LRRC7: variants seen among roughly 807,000 people sequenced by gnomAD.
The protein encoded by LRRC7 is leucine rich repeat containing 7, also known as leucine-rich repeat-containing protein 7.
LRRC7 carries 23 observed loss-of-function variants against 175.7 expected under a neutral mutation model. The ratio of observed to expected loss-of-function variants is 0.13; its 90% CI spans 0.09 to 0.19. The LOEUF is 0.19. Among genes scored for constraint, LRRC7 ranks in the 10% least tolerant of loss-of-function variants. The pLI is 1.00. For missense variants in LRRC7, 1,354 were observed against 1,904.7 expected (o/e 0.71, Z 5.38); for synonymous variants, 685 against 680.9 (o/e 1.01, Z -0.09).
chr1:70,054,847 C>T (rs1661029378), intron 23 of LRRC7, among the ~76,000 whole-genome samples: 1 of 151,380 alleles, frequency 6.6e-6, no homozygotes, highest in African/African-American at 2.4e-5. Context: ...GCCTCAGCCT[C>T]CCAAAGTGCT....
chr1:69,752,171 A>G (rs1259489360), intron 2 of LRRC7, among the ~76,000 whole-genome samples: 1 of 152,148 alleles, frequency 6.6e-6, no homozygotes, highest in Non-Finnish European at 1.5e-5. Flanking sequence ...TCAGAGATGT[A>G]CTTGAGGGTA....
chr1:69,570,760 A>G (rs1007417766), intron 1 of LRRC7, among the ~76,000 whole-genome samples: 2 of 152,134 alleles, frequency 1.3e-5, no homozygotes, highest in Non-Finnish European at 1.5e-5. Flanking sequence ...GCACAGGGGG[A>G]AAAATGAGCA....
At chr1:69,651,395 T>C (rs541970729) in intron 1 of LRRC7, among the ~76,000 whole-genome samples, 2 of 152,256 alleles carry the variant, frequency 1.3e-5, no homozygotes, top group African/African-American at 4.8e-5. Context: ...CCTTTGCAAA[T>C]CCAATTATAT....
At chr1:69,876,003 C>T (rs1686012533) in intron 7 of LRRC7, among the ~76,000 whole-genome samples, 2 of 152,036 alleles carry the variant, frequency 1.3e-5, no homozygotes, top group South Asian at 2.1e-4. Context: ...CTCTCAGGAA[C>T]GTGGGGCATG....
At chr1:69,683,257 T>G (rs1224214109) in intron 2 of LRRC7, among the ~76,000 whole-genome samples, 2 of 152,168 alleles carry the variant, frequency 1.3e-5, no homozygotes, top group Non-Finnish European at 2.9e-5. Context: ...GCCTCTCAAC[T>G]TGACCTCCTA....
intron 11 of LRRC7, among the ~76,000 whole-genome samples, chr1:70,007,130 G>A (rs1656064053): frequency 6.6e-6 from 1 of 152,184 alleles, no homozygotes; most frequent in African/African-American, 2.4e-5. Context: ...GTCAGGGGGT[G>A]AGACCGAAAC....
intron 8 of LRRC7, among the ~76,000 whole-genome samples, chr1:69,937,563 G>T: frequency 6.6e-6 from 1 of 151,902 alleles, no homozygotes; most frequent in East Asian, 1.9e-4. Context: ...CTTGGAATTT[G>T]TAAAAATCTG....
chr1:70,070,597 C>T (rs914052099), intron 23 of LRRC7, among the ~76,000 whole-genome samples: 7 of 152,192 alleles, frequency 4.6e-5, no homozygotes, highest in Non-Finnish European at 1.0e-4. Context: ...TCTGACACCA[C>T]TCCAGTTGGG....
At chr1:69,882,941 A>G (rs1299829925) in intron 7 of LRRC7, among the ~76,000 whole-genome samples, 1 of 151,878 alleles carries the variant, frequency 6.6e-6, no homozygotes, top group Non-Finnish European at 1.5e-5. Flanking sequence ...AAGGACATGA[A>G]CTTATCATTT....
intron 7 of LRRC7, among the ~76,000 whole-genome samples, chr1:69,917,024 A>G (rs929393127): frequency 1.3e-5 from 2 of 152,204 alleles, no homozygotes; most frequent in African/African-American, 4.8e-5. Context: ...AACAGCAATA[A>G]TAAAAGCAAT....
intron 23 of LRRC7, among the ~76,000 whole-genome samples, chr1:70,057,920 CAA>C (rs1278059711): frequency 1.3e-5 from 2 of 151,212 alleles, no homozygotes; most frequent in Admixed American, 1.3e-4. Flanking sequence ...GGAAAAATGC[CAA>C]GAGTGTTAAA....
chr1:69,929,229 A>G (rs1196192141), intron 7 of LRRC7, among the ~76,000 whole-genome samples: 2 of 152,190 alleles, frequency 1.3e-5, no homozygotes, highest in Admixed American at 6.5e-5. Flanking sequence ...CTGGTAAGCC[A>G]TCTCTATGCT....
rs574808530 is a variant in LRRC7 at position 69,915,502 on chromosome 1, CAAAG to C, written c.648-15997_648-15994del. Among the ~76,000 whole-genome samples, 30 of 152,040 alleles carry C rather than the reference CAAAG, an allele frequency of 2.0e-4. No individual in the cohort carries two copies. The East Asian group carries it at 5.0e-3, about 25-fold the overall frequency. On this transcript the variant is annotated intron_variant, in intron 7 of 26. Transcript: ENST00000651989. ...AGTCTAAGAAATGTCCTGCAGGAAA[CAAAG>C]AAAGAAAAAGTTCCTTGGTTACATA... is the stretch of plus-strand genomic sequence containing the variant.
intron 7 of LRRC7, among the ~76,000 whole-genome samples, chr1:69,856,277 G>C (rs1478144511): frequency 6.6e-6 from 1 of 152,122 alleles, no homozygotes; most frequent in African/African-American, 2.4e-5. Flanking sequence ...CAGAACTGAA[G>C]GAGATAGAAA....
intron 1 of LRRC7, among the ~76,000 whole-genome samples, chr1:69,652,372 G>A (rs1655976950): frequency 6.6e-6 from 1 of 151,898 alleles, no homozygotes; most frequent in African/African-American, 2.4e-5. Context: ...AGGAAATTAA[G>A]AAACTAATCT....
chr1:69,881,363 C>A (rs1389958080), intron 7 of LRRC7, among the ~76,000 whole-genome samples: 2 of 152,132 alleles, frequency 1.3e-5, no homozygotes, highest in African/African-American at 4.8e-5. Context: ...TTATTCCTAT[C>A]AAAATTTCCA....
At chr1:69,990,028 C>T (rs1226000208) in intron 10 of LRRC7, among the ~76,000 whole-genome samples, 1 of 152,058 alleles carries the variant, frequency 6.6e-6, no homozygotes, top group Non-Finnish European at 1.5e-5. Context: ...CCCAAGTAAA[C>T]ATTCATTCAA....
At chr1:69,862,328 A>G (rs941528278) in intron 7 of LRRC7, among the ~76,000 whole-genome samples, 1 of 152,196 alleles carries the variant, frequency 6.6e-6, no homozygotes, top group African/African-American at 2.4e-5. Context: ...GAGCAAAAAT[A>G]GAGAGTGGGA....
intron 1 of LRRC7, among the ~76,000 whole-genome samples, chr1:69,569,556 C>CCAA (rs1645646677): frequency 6.9e-6 from 1 of 144,464 alleles, no homozygotes. Flanking sequence ...CCAGTGGTCT[C>CCAA]TAATCTTACT....
Sources: allele counts gnomAD v4.1 joint callset (sites outside exome capture counted in the v4.1 genomes callset), GRCh38; gene constraint gnomAD v4.1.1; transcripts MANE v1.5; gene names NCBI Gene and HGNC (gene_info 2026-07-23, HGNC 2026-07-21).